Variants in OXR1 observed in about 807,000 individuals in gnomAD.
OXR1 encodes oxidation resistance 1.
In OXR1, 41 loss-of-function variants were observed where a neutral mutation model predicts 104.6. The ratio of observed to expected loss-of-function variants is 0.39; its 90% CI spans 0.31 to 0.51. The LOEUF is 0.51. Ranked by LOEUF, OXR1 falls within the 20% of genes least tolerant of loss-of-function variation. OXR1 has a pLI of 0.77. For missense variants in OXR1, 955 were observed against 1,031.9 expected (o/e 0.93, Z 1.02); for synonymous variants, 348 against 348.4 (o/e 1.00, Z 0.01).
chr8:106,684,935 T>C (rs1277980459), intron 6 of OXR1, among the ~76,000 whole-genome samples: 1 of 152,170 alleles, frequency 6.6e-6, no homozygotes, highest in Non-Finnish European at 1.5e-5. Context: ...AATTATATAT[T>C]ATATATTTCT....
intron 2 of OXR1, among the ~76,000 whole-genome samples, chr8:106,505,120 A>G (rs1488809768): frequency 6.6e-6 from 1 of 152,240 alleles, no homozygotes; most frequent in Non-Finnish European, 1.5e-5. Flanking sequence ...TTACATAACT[A>G]TTAGGAATGC....
intron 3 of OXR1, among the ~76,000 whole-genome samples, chr8:106,614,387 G>T (rs1018742126): frequency 1.3e-5 from 2 of 152,108 alleles, no homozygotes; most frequent in Admixed American, 1.3e-4. Flanking sequence ...AGATAAGTCC[G>T]CTAGGATATA....
At chr8:106,274,146 A>G (rs1460898556) in intron 1 of OXR1, among the ~76,000 whole-genome samples, 1 of 152,182 alleles carries the variant, frequency 6.6e-6, no homozygotes, top group Non-Finnish European at 1.5e-5. Flanking sequence ...ATGTCGTATA[A>G]TTTTCTCGTA....
chr8:106,741,952 T>G (rs1834958236), intron 14 of OXR1, among the ~76,000 whole-genome samples: 1 of 152,196 alleles, frequency 6.6e-6, no homozygotes, highest in African/African-American at 2.4e-5. Flanking sequence ...AACCACTTTT[T>G]AAGATTGTCT....
intron 2 of OXR1, among the ~76,000 whole-genome samples, chr8:106,385,710 C>T (rs1216692508): frequency 1.3e-5 from 2 of 152,098 alleles, no homozygotes; most frequent in East Asian, 3.9e-4. Context: ...GTTATGTGTA[C>T]ACACATAATC....
At chr8:106,277,099 A>T (rs1007672942) in intron 1 of OXR1, among the ~76,000 whole-genome samples, 23 of 152,184 alleles carry the variant, frequency 1.5e-4, no homozygotes, top group African/African-American at 5.3e-4. Flanking sequence ...TATGTTGTTC[A>T]TTGTAAAATA....
chr8:106,734,583 A>G (rs1275552310), intron 11 of OXR1, among the ~76,000 whole-genome samples: 1 of 152,180 alleles, frequency 6.6e-6, no homozygotes, highest in Non-Finnish European at 1.5e-5. Flanking sequence ...TGGAACGTCC[A>G]TAAGGTATTG....
chr8:106,297,106 C>T (rs1004787401), intron 1 of OXR1, among the ~76,000 whole-genome samples: 1 of 152,118 alleles, frequency 6.6e-6, no homozygotes, highest in African/African-American at 2.4e-5. Flanking sequence ...GTTGATTCCA[C>T]TGTATTATGA....
intron 3 of OXR1, among the ~76,000 whole-genome samples, chr8:106,677,448 C>T (rs1427071405): frequency 6.6e-6 from 1 of 152,024 alleles, no homozygotes; most frequent in Non-Finnish European, 1.5e-5. Context: ...TACCATATTG[C>T]ATTGCCACCA....
At chr8:106,523,257 C>T (rs1813390915) in intron 3 of OXR1, among the ~76,000 whole-genome samples, 1 of 152,188 alleles carries the variant, frequency 6.6e-6, no homozygotes. Context: ...GTTATTGAGT[C>T]AGGATCACCC....
chr8:106,492,857 C>G (rs1811185691), intron 2 of OXR1, among the ~76,000 whole-genome samples: 1 of 152,120 alleles, frequency 6.6e-6, no homozygotes, highest in Non-Finnish European at 1.5e-5. Flanking sequence ...TTTCACCAGT[C>G]CAGAATCCTA....
chr8:106,527,811 C>T (rs866130368), intron 3 of OXR1, among the ~76,000 whole-genome samples: 3 of 152,170 alleles, frequency 2.0e-5, no homozygotes, highest in African/African-American at 4.8e-5. Context: ...ATGACTTATT[C>T]ATGGTCCTAC....
chr8:106,669,559 T>G lies in OXR1; in HGVS notation c.221-9651T>G, dbSNP rs1301244995. On this transcript the variant is annotated intron_variant, in intron 3 of 16. Transcript: ENST00000517566. ...TAGAAAAGCTACAATCAGCAATCTGTTTTTTTTTTAGTTTAGAAGATACTT... is the reference window on the plus strand; with the variant it reads ...TAGAAAAGCTACAATCAGCAATCTGGTTTTTTTTTAGTTTAGAAGATACTT... 6.1e-5 allele frequency among the ~76,000 whole-genome samples: 9 copies of G among 148,416 alleles called. No homozygotes were observed. The East Asian group carries it at 1.2e-3, about 19-fold the overall frequency.
At chr8:106,445,715 A>G (rs1397684244) in intron 2 of OXR1, among the ~76,000 whole-genome samples, 1 of 152,238 alleles carries the variant, frequency 6.6e-6, no homozygotes, top group Admixed American at 6.5e-5. Context: ...AAATGAAAGG[A>G]CATTCATACT....
At chr8:106,477,453 C>A (rs528778899) in intron 2 of OXR1, among the ~76,000 whole-genome samples, 1 of 152,030 alleles carries the variant, frequency 6.6e-6, no homozygotes, top group Non-Finnish European at 1.5e-5. Flanking sequence ...AATACTGCAT[C>A]TTTATGTTTG....
intron 2 of OXR1, among the ~76,000 whole-genome samples, chr8:106,397,837 T>C (rs376963420): frequency 2.0e-4 from 31 of 152,056 alleles, no homozygotes; most frequent in East Asian, 7.7e-4. Context: ...TACAACAGAG[T>C]GGCTTAAACA....
intron 2 of OXR1, among the ~76,000 whole-genome samples, chr8:106,430,152 A>G (rs146724588): frequency 9.7e-4 from 147 of 152,256 alleles, no homozygotes; most frequent in African/African-American, 3.2e-3. Context: ...AAATGAATGT[A>G]TTTTTTAATC....
chr8:106,482,573 T>G (rs1822198647), intron 2 of OXR1, among the ~76,000 whole-genome samples: 1 of 152,020 alleles, frequency 6.6e-6, no homozygotes, highest in Non-Finnish European at 1.5e-5. Flanking sequence ...CCCGCATAGT[T>G]TTTGGCCCAT....
At chr8:106,497,087 A>C (rs767209165) in intron 2 of OXR1, among the ~76,000 whole-genome samples, 2 of 152,226 alleles carry the variant, frequency 1.3e-5, no homozygotes, top group Non-Finnish European at 2.9e-5. Flanking sequence ...AAGTTGATTC[A>C]GAGAAATGTG....
Sources: allele counts gnomAD v4.1 joint callset (sites outside exome capture counted in the v4.1 genomes callset), GRCh38; gene constraint gnomAD v4.1.1; transcripts MANE v1.5; gene names NCBI Gene and HGNC (gene_info 2026-07-23, HGNC 2026-07-21).